Variants in TUSC3 observed in about 807,000 individuals in gnomAD.
TUSC3 encodes tumor suppressor candidate 3.
TUSC3 carries 45 observed loss-of-function variants against 44.8 expected under a neutral mutation model. The observed-to-expected ratio is 1.00, with a 90% CI of 0.79 to 1.29. The LOEUF (loss-of-function observed/expected upper bound fraction) is 1.29. Among genes scored for constraint, TUSC3 ranks in the 50% most tolerant of loss-of-function variants. TUSC3 has a pLI of 0.00. For synonymous variants in TUSC3, 212 were observed against 152.9 expected (o/e 1.39, Z -2.85); for missense variants, 519 against 437.9 (o/e 1.19, Z -1.65).
intron 1 of TUSC3, among the ~76,000 whole-genome samples, chr8:15,473,584 T>C (rs892088181): frequency 4.0e-5 from 6 of 151,698 alleles, no homozygotes; most frequent in African/African-American, 1.5e-4. Context: ...AGAGAAAGAG[T>C]ACAAAGAGAG....
chr8:15,522,608 T>C (rs62502547), intron 2 of TUSC3, among the ~76,000 whole-genome samples: 8,553 of 151,568 alleles, frequency 0.056, 288 homozygotes, highest in Middle Eastern at 0.1. Flanking sequence ...ACTGACCAGA[T>C]TGAGAATACT....
At chr8:15,559,167 G>A (rs1443224015) in intron 1 of TUSC3, among the ~76,000 whole-genome samples, 2 of 142,852 alleles carry the variant, frequency 1.4e-5, no homozygotes, top group Non-Finnish European at 3.1e-5. Context: ...TCTACACACT[G>A]CTTTGAATGC....
the TUSC3 span, among the ~76,000 whole-genome samples, chr8:15,818,786 A>T: frequency 6.6e-6 from 1 of 152,242 alleles, no homozygotes; most frequent in Non-Finnish European, 1.5e-5. Context: ...AATATGAACT[A>T]GATTGCTGCT....
At chr8:15,561,017 C>T (rs1193449833) in intron 1 of TUSC3, among the ~76,000 whole-genome samples, 1 of 132,742 alleles carries the variant, frequency 7.5e-6, no homozygotes, top group Admixed American at 7.8e-5. Context: ...CAAAGTCATT[C>T]TCCATCCAGC....
At chr8:15,606,756 A>G (rs186346241) in intron 1 of TUSC3, among the ~76,000 whole-genome samples, 383 of 152,146 alleles carry the variant, frequency 2.5e-3, no homozygotes, top group African/African-American at 8.5e-3. Flanking sequence ...CTTTAGGATA[A>G]ATTCCTAGAA....
At chr8:15,498,682 A>G (rs71524146) in intron 2 of TUSC3, among the ~76,000 whole-genome samples, 1 of 152,198 alleles carries the variant, frequency 6.6e-6, no homozygotes, top group Non-Finnish European at 1.5e-5. Flanking sequence ...AAGCTCAGAA[A>G]CAATGAAAAT....
intron 1 of TUSC3, among the ~76,000 whole-genome samples, chr8:15,568,914 C>A (rs1802769742): frequency 6.6e-6 from 1 of 151,602 alleles, no homozygotes; most frequent in African/African-American, 2.4e-5. Context: ...AAGCTTTAAC[C>A]TCATGGTTTT....
At chr8:15,594,953 G>A (rs1178135144) in intron 1 of TUSC3, among the ~76,000 whole-genome samples, 1 of 152,032 alleles carries the variant, frequency 6.6e-6, no homozygotes, top group Non-Finnish European at 1.5e-5. Context: ...TGCAATTGAG[G>A]GACCCTGGAA....
intron 1 of TUSC3, among the ~76,000 whole-genome samples, chr8:15,443,215 G>C (rs1800043698): frequency 6.6e-6 from 1 of 151,770 alleles, no homozygotes; most frequent in East Asian, 1.9e-4. Flanking sequence ...ACCCAGGCTG[G>C]AGTGCTGGAG....
At chr8:15,598,873 G>C (rs1256401986) in intron 1 of TUSC3, among the ~76,000 whole-genome samples, 1 of 151,410 alleles carries the variant, frequency 6.6e-6, no homozygotes, top group Admixed American at 6.6e-5. Flanking sequence ...TCTGAGTTTT[G>C]GTAATTATGA....
Position 15,762,367 on chromosome 8 carries a change from T to G in TUSC3, c.*47-1836T>G, listed in dbSNP as rs1020658024. On this transcript the variant is annotated intron_variant, in intron 10 of 10. Coordinates refer to ENST00000503731, the MANE Select transcript of TUSC3 (RefSeq NM_006765.4). ...TTTCATAATGATATAAACAACTGAT[T>G]GTTACACCAGGTTAAGAAAATTACT... Among the ~76,000 whole-genome samples, 5 of 152,074 alleles carry G rather than the reference T, an allele frequency of 3.3e-5. No homozygotes were observed. The East Asian group carries it at 7.7e-4, about 24-fold the overall frequency.
chr8:15,566,642 C>G (rs895616633), intron 1 of TUSC3, among the ~76,000 whole-genome samples: 7 of 150,702 alleles, frequency 4.6e-5, no homozygotes, highest in Admixed American at 1.3e-4. Context: ...TTTTTTGAGA[C>G]AGGGTCTTGC....
chr8:15,475,294 C>A (rs961468859), intron 1 of TUSC3, among the ~76,000 whole-genome samples: 1 of 152,106 alleles, frequency 6.6e-6, no homozygotes, highest in African/African-American at 2.4e-5. Flanking sequence ...AGAGATAACA[C>A]CAGAGCCCAA....
the TUSC3 span, among the ~76,000 whole-genome samples, chr8:15,844,569 T>C: frequency 6.6e-6 from 1 of 152,172 alleles, no homozygotes; most frequent in Non-Finnish European, 1.5e-5. Flanking sequence ...TATGTTACTT[T>C]TTTCCTGCCA....
chr8:15,603,190 G>A (rs1804364925), intron 1 of TUSC3, among the ~76,000 whole-genome samples: 2 of 151,476 alleles, frequency 1.3e-5, no homozygotes, highest in African/African-American at 4.8e-5. Context: ...TAAGAAAAGA[G>A]AACCCAATTG....
At chr8:15,698,258 T>C (rs1298826112) in intron 6 of TUSC3, among the ~76,000 whole-genome samples, 1 of 152,082 alleles carries the variant, frequency 6.6e-6, no homozygotes, top group Non-Finnish European at 1.5e-5. Flanking sequence ...ACTGTGAAAA[T>C]CAACATTTTA....
intron 2 of TUSC3, among the ~76,000 whole-genome samples, chr8:15,524,294 C>A (rs1272808231): frequency 1.3e-5 from 2 of 151,870 alleles, no homozygotes; most frequent in African/African-American, 4.8e-5. Flanking sequence ...TATCTACAAA[C>A]CAACCAGCCA....
intron 4 of TUSC3, among the ~76,000 whole-genome samples, 197 bp downstream of exon 4, chr8:15,659,844 G>C (rs1807339891): frequency 6.6e-6 from 1 of 152,028 alleles, no homozygotes; most frequent in Non-Finnish European, 1.5e-5. Flanking sequence ...GTGGTTCACT[G>C]ATATTTTAAA....
chr8:15,725,130 A>G (rs1233493322), intron 6 of TUSC3, among the ~76,000 whole-genome samples: 1 of 152,180 alleles, frequency 6.6e-6, no homozygotes, highest in Non-Finnish European at 1.5e-5. Context: ...CATGGGATTG[A>G]TGGAAGCATT....
Sources: gnomAD v4.1 joint callset for allele counts (sites outside exome capture counted in the v4.1 genomes callset) on GRCh38, gnomAD v4.1.1 for gene constraint, MANE v1.5 for transcripts, NCBI Gene and HGNC (gene_info 2026-07-23, HGNC 2026-07-21) for gene names.